Variants in CEP57L1 observed in about 807,000 individuals in gnomAD.
The protein encoded by CEP57L1 is centrosomal protein 57 like 1.
A neutral mutation model predicts 61.0 loss-of-function variants in CEP57L1; 37 were observed. The ratio of observed to expected loss-of-function variants is 0.61; its 90% confidence interval spans 0.47 to 0.80. The LOEUF is 0.80. CEP57L1 is among the 30% of genes least tolerant of loss of function. The pLI is 0.00. For missense variants in CEP57L1, 422 were observed against 524.7 expected (o/e 0.80, Z 1.91); for synonymous variants, 137 against 162.3 (o/e 0.84, Z 1.19).
chr6:109,152,463 G>T (rs988327749), intron 4 of CEP57L1, among the ~76,000 whole-genome samples: 2 of 152,242 alleles, frequency 1.3e-5, no homozygotes, highest in African/African-American at 2.4e-5. Flanking sequence ...GATTACAGGC[G>T]TGAGCCACCA....
At position 109,173,327 on chromosome 6, in the gene CEP57L1, T is replaced by A. The variant is rs1431003629; in HGVS notation, c.*10357T>A. Reference sequence around the variant, plus strand: ...CATGAGACCATTTAAAGAATATTATTTCCTTCCAGTTTATTCAAGGGTGGC... The same window carrying A: ...CATGAGACCATTTAAAGAATATTATATCCTTCCAGTTTATTCAAGGGTGGC... On this transcript the variant is annotated 3_prime_UTR_variant, in exon 11 of 11. Coordinates refer to ENST00000517392, the MANE Select transcript of CEP57L1 (RefSeq NM_001271852.3). 1.3e-5 allele frequency among the ~76,000 whole-genome samples: 2 copies of A among 152,008 alleles called. No individual in the cohort carries two copies. Among genetic ancestry groups the A allele is most frequent in the Non-Finnish European group, 2.9e-5 (2 of 68,000 alleles).
Position 109,164,610 on chromosome 6 carries a change from T to C in CEP57L1, c.*1640T>C, listed in dbSNP as rs1773970637. On this transcript the variant is annotated 3_prime_UTR_variant, in exon 11 of 11. Transcript: ENST00000517392. Reference sequence around the variant, plus strand: ...TTCCTCCTTGAGGATATGAGTTTTATAGCTTAAGCTTAGCTTTTTGCTAAA... The same window carrying C: ...TTCCTCCTTGAGGATATGAGTTTTACAGCTTAAGCTTAGCTTTTTGCTAAA... Among the ~76,000 whole-genome samples the C allele has an allele frequency of 6.6e-6, 1 of 152,178 alleles. No individual in the cohort carries two copies. Among genetic ancestry groups the C allele is most frequent in the Admixed American group, 6.5e-5 (1 of 15,274 alleles).
At chr6:109,139,741 G>T (rs1280478910) in intron 1 of CEP57L1, among the ~76,000 whole-genome samples, 5 of 151,754 alleles carry the variant, frequency 3.3e-5, no homozygotes, top group African/African-American at 9.7e-5. Context: ...GCCCACCTTG[G>T]CCTCCCAAAG....
rs1451954769 is a variant in CEP57L1, at chr6:109,171,894, A to T, written c.*8924A>T. Among the ~76,000 whole-genome samples, 1 of 152,174 alleles carries T rather than the reference A, an allele frequency of 6.6e-6. No individual in the cohort carries two copies. Among genetic ancestry groups the T allele is most frequent in the Non-Finnish European group, 1.5e-5 (1 of 68,028 alleles). ...ACAGGAAAGGCTCAAGGTTTCATTTACATGGGAAATGAGAACTAGACAGTG... is the reference window on the plus strand; with the variant it reads ...ACAGGAAAGGCTCAAGGTTTCATTTTCATGGGAAATGAGAACTAGACAGTG... On this transcript the variant is annotated 3_prime_UTR_variant, in exon 11 of 11. Coordinates refer to ENST00000517392, the MANE Select transcript of CEP57L1 (RefSeq NM_001271852.3).
chr6:109,095,708 T>A, intron 1 of CEP57L1, 133 bp downstream of exon 1: 1 of 431,188 alleles, frequency 2.3e-6, no homozygotes, highest in Non-Finnish European at 3.1e-6. Flanking sequence ...GTGACTTGCG[T>A]GGGAAGGACT....
intron 1 of CEP57L1, among the ~76,000 whole-genome samples, chr6:109,135,461 CT>C (rs1258611430): frequency 1.3e-5 from 2 of 152,146 alleles, no homozygotes; most frequent in Non-Finnish European, 2.9e-5. Flanking sequence ...CATAAAAACC[CT>C]AGAAGAAAAC....
intron 1 of CEP57L1, among the ~76,000 whole-genome samples, chr6:109,111,281 T>C (rs1771582749): frequency 6.6e-6 from 1 of 152,224 alleles, no homozygotes; most frequent in East Asian, 1.9e-4. Flanking sequence ...TTTTTCTTTT[T>C]GTAGCAATTG....
intron 1 of CEP57L1, among the ~76,000 whole-genome samples, chr6:109,119,808 A>G (rs111331686): frequency 2.6e-5 from 4 of 152,338 alleles, no homozygotes; most frequent in African/African-American, 7.2e-5. Flanking sequence ...CAAGCATTTC[A>G]CTTGAAAAGT....
chr6:109,101,021 C>T (rs1275452931), intron 1 of CEP57L1, among the ~76,000 whole-genome samples: 2 of 152,160 alleles, frequency 1.3e-5, no homozygotes, highest in South Asian at 2.1e-4. Context: ...GCAGGAGAAT[C>T]GCCTGAGCCT....
chr6:109,153,354 A>G lies in CEP57L1; in HGVS notation c.463-479A>G, dbSNP rs569003946. Among the ~76,000 whole-genome samples the G allele has an allele frequency of 3.5e-5, 5 of 143,458 alleles. No individual in the cohort carries two copies. The Admixed American group carries it at 3.8e-4, about 11-fold the overall frequency. 94.1% of individuals were successfully genotyped at this position (143,458 alleles called of 152,430 possible). ...CTTGCCAGGCTCAAGCAATCTTCTC[A>G]TCTCAGCCTCCCAAGCAGCTGAGAC... On this transcript the variant is annotated intron_variant, in intron 4 of 10. Coordinates refer to ENST00000517392, the MANE Select transcript of CEP57L1 (RefSeq NM_001271852.3).
chr6:109,100,009 A>C (rs1256079344), intron 1 of CEP57L1, among the ~76,000 whole-genome samples: 3 of 152,234 alleles, frequency 2.0e-5, no homozygotes, highest in Non-Finnish European at 2.9e-5. Flanking sequence ...GATCTAATTA[A>C]ATACTCTTCT....
intron 1 of CEP57L1, among the ~76,000 whole-genome samples, chr6:109,099,239 C>T (rs1286818853): frequency 2.0e-5 from 3 of 152,140 alleles, no homozygotes; most frequent in Non-Finnish European, 4.4e-5. Context: ...TTGTTGATAT[C>T]ACCAAAAGTG....
intron 1 of CEP57L1, among the ~76,000 whole-genome samples, chr6:109,127,233 C>T (rs990914760): frequency 6.6e-6 from 1 of 152,144 alleles, no homozygotes; most frequent in Non-Finnish European, 1.5e-5. Context: ...TTCTTATATT[C>T]AGACTATTTA....
At position 109,169,272 on chromosome 6, in the gene CEP57L1, A is replaced by C. The variant is rs1374592747; in HGVS notation, c.*6302A>C. Among the ~76,000 whole-genome samples the C allele has an allele frequency of 6.6e-6, 1 of 151,478 alleles. No individual in the cohort carries two copies. The highest frequency in any genetic ancestry group is 1.5e-5 in the Non-Finnish European group (1 of 67,824). On this transcript the variant is annotated 3_prime_UTR_variant, in exon 11 of 11. Coordinates refer to ENST00000517392, the MANE Select transcript of CEP57L1 (RefSeq NM_001271852.3). ...AGATCAGAGTGCATCACACATAATT[A>C]AGGTAGCTTATGTTTTGTGAAACTT...
In CEP57L1 at chr6:109,166,838, TGTAGA is replaced by T. The variant is rs1297517440; in HGVS notation, c.*3872_*3876del. Among the ~76,000 whole-genome samples, 8 of 152,178 alleles carry T rather than the reference TGTAGA, an allele frequency of 5.3e-5. No individual in the cohort carries two copies. Among genetic ancestry groups the T allele is most frequent in the Non-Finnish European group, 7.3e-5 (5 of 68,036 alleles). On this transcript the variant is annotated 3_prime_UTR_variant, in exon 11 of 11. Coordinates refer to ENST00000517392, the MANE Select transcript of CEP57L1 (RefSeq NM_001271852.3). ...GAAATGCAACAGCTGCCATTATTGG[TGTAGA>T]GTAAATAATGAAACTCCTAATGGGG...
At chr6:109,151,069 T>C (rs1772561302) in intron 4 of CEP57L1, among the ~76,000 whole-genome samples, 1 of 152,200 alleles carries the variant, frequency 6.6e-6, no homozygotes, top group Non-Finnish European at 1.5e-5. Context: ...ATGCTTTGTA[T>C]GGTTTAAATA....
At chr6:109,126,628 T>C (rs1242557820) in intron 1 of CEP57L1, among the ~76,000 whole-genome samples, 1 of 152,162 alleles carries the variant, frequency 6.6e-6, no homozygotes, top group Non-Finnish European at 1.5e-5. Context: ...GGGAGTCTAA[T>C]CATTTAAGTG....
chr6:109,168,842 C>T lies in CEP57L1; in HGVS notation c.*5872C>T, dbSNP rs144771747. 0.017 allele frequency among the ~76,000 whole-genome samples: 2,592 copies of T among 151,296 alleles called. 38 individuals are homozygous for T. The highest frequency in any genetic ancestry group is 0.025 in the African/African-American group (1,019 of 41,298). On this transcript the variant is annotated 3_prime_UTR_variant, in exon 11 of 11. Transcript: ENST00000517392. ...AACTCCTGAGCTCAGGCAATCTGCC[C>T]GCCTCAGTGTCCCAAAGTGCTGGGA...
intron 1 of CEP57L1, among the ~76,000 whole-genome samples, chr6:109,142,442 C>T (rs913923406): frequency 9.9e-5 from 15 of 152,076 alleles, no homozygotes; most frequent in African/African-American, 3.1e-4. Flanking sequence ...AGGGGAACAA[C>T]ATACACCAGG....
Sources: gnomAD v4.1 joint callset for allele counts (sites outside exome capture counted in the v4.1 genomes callset) on GRCh38, gnomAD v4.1.1 for gene constraint, MANE v1.5 for transcripts, NCBI Gene and HGNC (gene_info 2026-07-23, HGNC 2026-07-21) for gene names.